The following CBFB variants were observed in gnomAD, a reference collection of about 807,000 sequenced individuals.
CBFB encodes the protein core-binding factor subunit beta.
Under a neutral mutation model 30.4 loss-of-function variants are expected in CBFB, and 9 were observed. The observed-to-expected ratio is 0.30, with a 90% CI of 0.18 to 0.52. The LOEUF (loss-of-function observed/expected upper bound fraction) is 0.52. CBFB is among the 20% of genes least tolerant of loss of function. The probability of loss-of-function intolerance (pLI) is 0.97; values close to 1 mark genes in which losing one functional copy is unlikely to be tolerated. For synonymous variants in CBFB, 94 were observed against 84.0 expected, an observed-to-expected ratio of 1.12 and a Z score of -0.65; for missense variants, 170 against 244.0, an observed-to-expected ratio of 0.70 and a Z score of 2.02.
chr16:67,084,596 T>C (rs1382496067), intron 5 of CBFB, among the ~76,000 whole-genome samples: 1 of 152,230 alleles, frequency 6.6e-6, no homozygotes, highest in Non-Finnish European at 1.5e-5. Context: ...TTAACACTAC[T>C]GAGTGTATGC....
intron 3 of CBFB, among the ~76,000 whole-genome samples, chr16:67,041,305 T>G (rs899679949): frequency 5.3e-5 from 8 of 152,094 alleles, no homozygotes; most frequent in Non-Finnish European, 1.2e-4. Flanking sequence ...AGCTGCTAGG[T>G]TAATAATAGG....
intron 4 of CBFB, among the ~76,000 whole-genome samples, chr16:67,073,124 T>TA (rs1225375443): frequency 6.6e-6 from 1 of 152,160 alleles, no homozygotes; most frequent in African/African-American, 2.4e-5. Flanking sequence ...GTAAACTACG[T>TA]AAAAAATTGA....
At position 67,075,197 on chromosome 16, in the gene CBFB, ATGTGTGTGTGTGTGTGTGTG is replaced by A. The variant is rs57425666; in HGVS notation, c.400-6998_400-6979del. Among the ~76,000 whole-genome samples, 390 of 142,762 alleles carry A rather than the reference ATGTGTGTGTGTGTGTGTGTG, an allele frequency of 2.7e-3. 3 individuals are homozygous for A. In the South Asian group the frequency reaches 0.041, roughly 15 times the overall value. The allele number at this position is 142,762 out of a possible 152,430, so 93.7% of individuals were successfully genotyped here. On this transcript the variant is annotated intron_variant, in intron 4 of 5. Coordinates refer to ENST00000412916, the MANE Select transcript of CBFB (RefSeq NM_022845.3). ...AGAGCGAGATTCTATCTCAAAAAAAATGTGTGTGTGTGTGTGTGTGTGTGTGTGTGTGTGTGTAAAGAACT... is the reference window on the plus strand; with the variant it reads ...AGAGCGAGATTCTATCTCAAAAAAAATGTGTGTGTGTGTGTGTAAAGAACT...
intron 3 of CBFB, among the ~76,000 whole-genome samples, chr16:67,053,334 A>G (rs796834529): frequency 1.7e-4 from 26 of 149,032 alleles, no homozygotes; most frequent in African/African-American, 6.2e-4. Context: ...GCTCACTGCA[A>G]GCTCCGCCTC....
intron 3 of CBFB, among the ~76,000 whole-genome samples, chr16:67,064,069 G>C (rs975909009): frequency 3.3e-5 from 5 of 152,134 alleles, no homozygotes; most frequent in African/African-American, 1.2e-4. Context: ...ATAATCTGCA[G>C]GTTTGAAAAC....
chr16:67,040,001 AG>A (rs1966503740), intron 3 of CBFB, among the ~76,000 whole-genome samples: 1 of 152,148 alleles, frequency 6.6e-6, no homozygotes, highest in Non-Finnish European at 1.5e-5. Context: ...TTTTTCTAGA[AG>A]AAAAAAAAGC....
chr16:67,040,689 A>G (rs1210746405), intron 3 of CBFB, among the ~76,000 whole-genome samples: 2 of 152,218 alleles, frequency 1.3e-5, no homozygotes, highest in Admixed American at 1.3e-4. Flanking sequence ...CAGACAATAT[A>G]CATAATAAGT....
At chr16:67,032,868 CT>C (rs1001970865) in intron 2 of CBFB, among the ~76,000 whole-genome samples, 37 of 152,292 alleles carry the variant, frequency 2.4e-4, no homozygotes, top group African/African-American at 8.9e-4. Flanking sequence ...TTTGGAACAT[CT>C]TCTTGATGTA....
chr16:67,075,197 A>G (rs1252040200), intron 4 of CBFB, among the ~76,000 whole-genome samples: 2 of 142,662 alleles, frequency 1.4e-5, no homozygotes, highest in African/African-American at 5.1e-5. Context: ...CTCAAAAAAA[A>G]TGTGTGTGTG....
Position 67,098,997 on chromosome 16 carries a change from T to G in CBFB, c.*219T>G. The G allele has an allele frequency of 2.4e-6, 1 of 418,518 alleles. No individual in the cohort carries two copies. Among genetic ancestry groups the G allele is most frequent in the Non-Finnish European group, 4.2e-6 (1 of 237,146 alleles). 25.9% of individuals were successfully genotyped at this position (418,518 alleles called of 1,614,324 possible). ...TTTAAGCATGTAGCCAGTAATAATT[T>G]GAAGTTTTTTTTCTATGCAAGCTTA... On this transcript the variant is annotated 3_prime_UTR_variant, in exon 6 of 6. Transcript: ENST00000412916.
chr16:67,044,082 A>G (rs16957128), intron 3 of CBFB, among the ~76,000 whole-genome samples: 23 of 152,184 alleles, frequency 1.5e-4, no homozygotes, highest in African/African-American at 5.3e-4. Context: ...CTTATTTCCA[A>G]TTACTTTTAT....
intron 5 of CBFB, among the ~76,000 whole-genome samples, chr16:67,083,979 G>A (rs1415391361): frequency 1.3e-5 from 2 of 151,498 alleles, no homozygotes; most frequent in African/African-American, 4.8e-5. Flanking sequence ...GACCATCTTG[G>A]GCAAAATAGC....
At chr16:67,069,268 G>A (rs1172820996) in intron 4 of CBFB, among the ~76,000 whole-genome samples, 2 of 152,052 alleles carry the variant, frequency 1.3e-5, no homozygotes, top group East Asian at 1.9e-4. Flanking sequence ...TTCTCAGGAG[G>A]CTGAGTTAGG....
At chr16:67,051,859 C>G (rs145338666) in intron 3 of CBFB, among the ~76,000 whole-genome samples, 1 of 150,600 alleles carries the variant, frequency 6.6e-6, no homozygotes, top group African/African-American at 2.4e-5. Context: ...AAGCTATTCT[C>G]CTGCCTCAGC....
At position 67,051,971 on chromosome 16, in the gene CBFB, A is replaced by G. The variant is rs1009052655; in HGVS notation, c.283-14711A>G. Among the ~76,000 whole-genome samples the G allele has an allele frequency of 4.0e-5, 6 of 151,366 alleles. No homozygotes were observed. In the East Asian group the frequency reaches 1.2e-3, roughly 29 times the overall value. On this transcript the variant is annotated intron_variant, in intron 3 of 5. Coordinates refer to ENST00000412916, the MANE Select transcript of CBFB (RefSeq NM_022845.3). Reference sequence around the variant, plus strand: ...CATACATATATATAGCAATAGGAATATATATATATATTTTGAGACAAGTTC... The same window carrying G: ...CATACATATATATAGCAATAGGAATGTATATATATATTTTGAGACAAGTTC...
At position 67,085,924 on chromosome 16, in the gene CBFB, C is replaced by T. The variant is rs1009562159; in HGVS notation, c.495+3616C>T. Among the ~76,000 whole-genome samples, 18 of 151,668 alleles carry T rather than the reference C, an allele frequency of 1.2e-4. 1 individual carries two copies. The highest frequency in any genetic ancestry group is 3.6e-4 in the African/African-American group (15 of 41,258). Reference sequence around the variant, plus strand: ...CGATCTCCTGACCTCGTGATCTGCCCGCCTTGGCCTCCCAAAGAGCTGGGA... The same window carrying T: ...CGATCTCCTGACCTCGTGATCTGCCTGCCTTGGCCTCCCAAAGAGCTGGGA... On this transcript the variant is annotated intron_variant, in intron 5 of 5. Transcript: ENST00000412916.
chr16:67,043,182 G>T (rs1388201522), intron 3 of CBFB, among the ~76,000 whole-genome samples: 2 of 152,204 alleles, frequency 1.3e-5, no homozygotes, highest in Non-Finnish European at 2.9e-5. Context: ...TTACACAGGG[G>T]TGTGAATACC....
intron 3 of CBFB, among the ~76,000 whole-genome samples, chr16:67,065,288 A>T (rs1961021623): frequency 6.6e-6 from 1 of 152,194 alleles, no homozygotes; most frequent in Admixed American, 6.5e-5. Flanking sequence ...TTTAAAATTT[A>T]TTGGTACTTT....
chr16:67,055,434 C>T (rs985140173), intron 3 of CBFB, among the ~76,000 whole-genome samples: 4 of 135,340 alleles, frequency 3.0e-5, no homozygotes, highest in East Asian at 2.3e-4. Flanking sequence ...TGGCGCATCT[C>T]GGCTCACTGC....
Sources: allele counts gnomAD v4.1 joint callset (sites outside exome capture counted in the v4.1 genomes callset), GRCh38; gene constraint gnomAD v4.1.1; transcripts MANE v1.5; gene names NCBI Gene and HGNC (gene_info 2026-07-23, HGNC 2026-07-21).